The following JAK1 variants were observed in gnomAD, a reference collection of about 807,000 sequenced individuals.
JAK1 encodes tyrosine-protein kinase JAK1.
JAK1 carries 16 observed loss-of-function variants against 136.6 expected under a neutral mutation model. That is an observed-to-expected ratio of 0.12 (90% confidence interval 0.08 to 0.18). JAK1 has a LOEUF of 0.18. JAK1 is among the 10% of genes least tolerant of loss of function. The pLI, the probability that JAK1 is intolerant of heterozygous loss-of-function variation, is 1.00. For synonymous variants in JAK1, 492 were observed against 519.5 expected (o/e 0.95, Z 0.72); for missense variants, 859 against 1,450.1 (o/e 0.59, Z 6.62).
At chr1:65,040,331 C>T (rs1254360005) in intron 2 of JAK1, among the ~76,000 whole-genome samples, 4 of 152,038 alleles carry the variant, frequency 2.6e-5, no homozygotes, top group Non-Finnish European at 4.4e-5. Flanking sequence ...ACCTTTCTAT[C>T]GTCTAGAGGC....
intron 20 of JAK1, among the ~76,000 whole-genome samples, chr1:64,839,002 C>T (rs916384681): frequency 2.6e-4 from 39 of 149,538 alleles, no homozygotes; most frequent in Admixed American, 5.3e-4. Flanking sequence ...AAAAATTAGC[C>T]GGGCGTGATG....
At chr1:64,898,080 A>C (rs1207487074) in intron 1 of JAK1, among the ~76,000 whole-genome samples, 2 of 152,218 alleles carry the variant, frequency 1.3e-5, no homozygotes. Flanking sequence ...ACAAAAAGGA[A>C]ACTTCTTTAA....
intron 1 of JAK1, among the ~76,000 whole-genome samples, chr1:64,933,570 C>T (rs1342483969): frequency 1.3e-5 from 2 of 152,220 alleles, no homozygotes; most frequent in Admixed American, 6.5e-5. Flanking sequence ...CCTCAGCAAT[C>T]TCTGCCATGG....
chr1:64,977,796 G>T (rs1646510592), intron 2 of JAK1, among the ~76,000 whole-genome samples: 1 of 151,966 alleles, frequency 6.6e-6, no homozygotes, highest in Non-Finnish European at 1.5e-5. Context: ...CACACTATCT[G>T]CCCAGCACTG....
At chr1:64,913,410 C>G (rs985894789) in intron 1 of JAK1, among the ~76,000 whole-genome samples, 1 of 152,096 alleles carries the variant, frequency 6.6e-6, no homozygotes, top group Admixed American at 6.6e-5. Flanking sequence ...ACTCACTCAA[C>G]ACCATGGCTC....
chr1:64,978,107 G>A (rs556196616), intron 2 of JAK1, among the ~76,000 whole-genome samples: 23 of 152,098 alleles, frequency 1.5e-4, no homozygotes, highest in African/African-American at 4.8e-4. Context: ...GTGAAACCCC[G>A]TCTCTACTAA....
intron 1 of JAK1, among the ~76,000 whole-genome samples, chr1:64,914,129 C>G (rs890752454): frequency 6.6e-6 from 1 of 152,140 alleles, no homozygotes; most frequent in African/African-American, 2.4e-5. Context: ...ATTTTGAGAG[C>G]AGCTGACAGA....
intron 2 of JAK1, among the ~76,000 whole-genome samples, chr1:65,008,209 A>G (rs895540029): frequency 4.6e-5 from 7 of 152,210 alleles, no homozygotes; most frequent in Non-Finnish European, 8.8e-5. Flanking sequence ...ACGGAAGTGT[A>G]GGAGAGAAAA....
chr1:64,911,111 T>C (rs1034805986), intron 1 of JAK1, among the ~76,000 whole-genome samples: 4 of 151,130 alleles, frequency 2.6e-5, no homozygotes, highest in Admixed American at 2.0e-4. Flanking sequence ...TATTATCTAC[T>C]GACCAATGTA....
intron 2 of JAK1, among the ~76,000 whole-genome samples, chr1:64,982,412 C>T (rs1274916276): frequency 6.6e-6 from 1 of 152,206 alleles, no homozygotes; most frequent in Non-Finnish European, 1.5e-5. Context: ...GGTAAATTGG[C>T]ACCACCATCC....
intron 1 of JAK1, among the ~76,000 whole-genome samples, chr1:65,064,575 A>T (rs752693456): frequency 1.3e-5 from 2 of 152,234 alleles, no homozygotes; most frequent in Non-Finnish European, 2.9e-5. Flanking sequence ...CTGAATGGAG[A>T]CACTGAGTGA....
rs181702105 is a variant in JAK1 at position 65,060,920 on chromosome 1, T to G, written c.-181+6684A>C. Among the ~76,000 whole-genome samples, 456 of 152,266 alleles carry G rather than the reference T, an allele frequency of 3.0e-3. 1 individual carries two copies. The highest frequency in any genetic ancestry group is 0.017 in the Middle Eastern group (5 of 294). ...GTGACTACAGGTACTCATGCTACAG[T>G]AAGAAAAAATAACTGCATACTAAGG... On this transcript the variant is annotated intron_variant, in intron 1 of 25. Coordinates refer to the JAK1 transcript ENST00000671954.
intron 1 of JAK1, among the ~76,000 whole-genome samples, chr1:65,053,854 T>C (rs1647403491): frequency 6.6e-6 from 1 of 152,206 alleles, no homozygotes; most frequent in Admixed American, 6.5e-5. Context: ...GGCAAGTTTG[T>C]GGCACACTTA....
In JAK1 at chr1:64,850,797, G is replaced by C; in HGVS notation, c.1755+7C>G. 3.1e-6 allele frequency: 5 copies of C among 1,606,798 alleles called. No homozygotes were observed. The highest frequency in any genetic ancestry group is 4.3e-6 in the Non-Finnish European group (5 of 1,173,362). ...CAGCTGGCCCACACCCTGCAGCCGT[G>C]ACTCACCTGCACCAGATCCTTCTTG... On this transcript the variant is annotated splice_region_variant and intron_variant, in intron 12 of 24. Coordinates refer to ENST00000342505, the MANE Select transcript of JAK1 (RefSeq NM_002227.4).
intron 2 of JAK1, among the ~76,000 whole-genome samples, chr1:65,039,348 T>C (rs1332734814): frequency 1.3e-5 from 2 of 152,204 alleles, no homozygotes; most frequent in Admixed American, 1.3e-4. Context: ...TCCTAGTATG[T>C]ATGTTTTTAG....
In JAK1 at chr1:64,840,815, A is replaced by G. The variant is rs530602895; in HGVS notation, c.2649+430T>C. 2.7e-4 allele frequency among the ~76,000 whole-genome samples: 41 copies of G among 151,966 alleles called. 1 individual carries two copies. Among genetic ancestry groups the G allele is most frequent in the African/African-American group, 9.7e-4 (40 of 41,450 alleles). On this transcript the variant is annotated intron_variant, in intron 19 of 24. Transcript: ENST00000342505. The stretch of plus-strand genomic sequence containing the variant: ...CCACTCACTCCAGCCTGGGACACAG[A>G]GCGAGACCCTGTCTCTCGGGGGCAA...
At chr1:64,988,954 ATATG>A (rs140231656) in intron 2 of JAK1, among the ~76,000 whole-genome samples, 16,165 of 132,002 alleles carry the variant, frequency 0.12, 1,604 homozygotes, top group African/African-American at 0.28. Flanking sequence ...ATGTGTATAT[ATATG>A]TATGTATGTA....
chr1:64,985,548 A>T (rs1646590591), intron 2 of JAK1: 2 of 1,255,352 alleles, frequency 1.6e-6, no homozygotes, highest in Non-Finnish European at 2.3e-6. Context: ...CACAGGCCAT[A>T]GGTCTTCAGA....
Position 64,841,539 on chromosome 1 carries a change from G to A in JAK1, c.2466C>T (p.Asp822=), listed in dbSNP as rs757232777. Residue 822 remains aspartate, a synonymous_variant, in exon 18 of 25, where the codon GAC becomes GAT. Transcript: ENST00000342505. ...PVTPSCKELA[D]LMTRCMNYDP... is the part of the protein sequence containing the mutation. Reference sequence around the variant, plus strand: ...CATAGTTCATGCAGCGGGTCATGAGGTCAGCCAGCTCCTTACATGATGGTG... The same window carrying A: ...CATAGTTCATGCAGCGGGTCATGAGATCAGCCAGCTCCTTACATGATGGTG... The A allele has an allele frequency of 6.2e-7, 1 of 1,614,108 alleles. No individual in the cohort carries two copies. The highest frequency in any genetic ancestry group is 1.1e-5 in the South Asian group (1 of 91,088).
Sources: gnomAD v4.1 joint callset for allele counts (sites outside exome capture counted in the v4.1 genomes callset) on GRCh38, gnomAD v4.1.1 for gene constraint, MANE v1.5 for transcripts, NCBI Gene and HGNC (gene_info 2026-07-23, HGNC 2026-07-21) for gene names.